The following DMD variants were observed in gnomAD, a reference collection of about 807,000 sequenced individuals.
DMD encodes the protein mutant dystrophin.
A neutral mutation model predicts 330.1 loss-of-function variants in DMD; 63 were observed. That is an observed-to-expected ratio of 0.19 (90% CI 0.16 to 0.24). The LOEUF (loss-of-function observed/expected upper bound fraction) is 0.24, where lower values mean the gene tolerates loss of function less well. Ranked by LOEUF, DMD falls within the 10% of genes least tolerant of loss-of-function variation. The pLI is 1.00. For missense variants in DMD, 3,344 were observed against 2,684.1 expected, an observed-to-expected ratio of 1.25 and a Z score of -5.43; for synonymous variants, 1,223 against 959.8, an observed-to-expected ratio of 1.27 and a Z score of -5.07.
intron 11 of DMD, among the ~76,000 whole-genome samples, chrX:32,627,154 C>T (rs1450589564): frequency 1.1e-4 from 7 of 63,457 alleles, no homozygotes; most frequent in African/African-American, 2.3e-4. Context: ...CCCCGCCCCC[C>T]CCCCCGCCCC....
chrX:32,585,699 CAAAAAAAAAAAAAA>C (rs61394183), intron 13 of DMD, among the ~76,000 whole-genome samples: 10 of 31,930 alleles, frequency 3.1e-4, no homozygotes, highest in South Asian at 5.5e-3. Flanking sequence ...GACTCCGTCT[CAAAAAAAAAAAAAA>C]AAAAAAAAAA....
chrX:32,541,406 T>C (rs1021738131), intron 17 of DMD, among the ~76,000 whole-genome samples: 14 of 111,966 alleles, frequency 1.3e-4, no homozygotes, highest in African/African-American at 4.6e-4. Context: ...ACTGCATTTA[T>C]TGAATGTTTA....
intron 13 of DMD, among the ~76,000 whole-genome samples, chrX:32,585,688 G>C (rs1316043282): frequency 2.0e-5 from 1 of 50,785 alleles, no homozygotes; most frequent in African/African-American, 7.0e-5. Context: ...TGACAGAGCA[G>C]GACTCCGTCT....
intron 11 of DMD, among the ~76,000 whole-genome samples, chrX:32,617,601 C>A (rs5972622): frequency 0.18 from 20,292 of 110,528 alleles, 3,183 homozygotes; most frequent in African/African-American, 0.52. Flanking sequence ...ACTCAAAACT[C>A]TCAATCTATT....
chrX:31,521,049 G>C (rs916173613), intron 55 of DMD, among the ~76,000 whole-genome samples: 1 of 111,806 alleles, frequency 8.9e-6, no homozygotes, highest in East Asian at 2.8e-4. Flanking sequence ...GTTTGGGAAG[G>C]CTTAGGCCTT....
chrX:32,777,277 T>TGGTGGGGGGGGGGGGTTGGG (rs1557019894), intron 7 of DMD, among the ~76,000 whole-genome samples: 1 of 2,111 alleles, frequency 4.7e-4, no homozygotes, highest in African/African-American at 3.1e-3. Context: ...GGTTTCTGGT[T>TGGTGGGGGGGGGGGGTTGGG]GGGGGGGGAA....
intron 45 of DMD, among the ~76,000 whole-genome samples, chrX:31,952,513 G>A (rs1167808660): frequency 9.3e-6 from 1 of 107,490 alleles, no homozygotes; most frequent in Non-Finnish European, 1.9e-5. Flanking sequence ...TTAAATTTTG[G>A]TTATTCTACT....
chrX:31,452,055 T>A lies in DMD; in HGVS notation c.8938-7428A>T, dbSNP rs1603025149. The stretch of plus-strand genomic sequence containing the variant: ...AGACTCAGAACTAATGGCCTAGATT[T>A]AGCATAATCAGAAACACTTAAGAAA... On this transcript the variant is annotated intron_variant, in intron 59 of 78. Transcript: ENST00000357033. Among the ~76,000 whole-genome samples, 4 of 109,710 alleles carry A rather than the reference T, an allele frequency of 3.6e-5. No individual in the cohort carries two copies. The South Asian group carries it at 1.6e-3, about 43-fold the overall frequency.
At chrX:32,635,979 C>G (rs1259792621) in intron 11 of DMD, among the ~76,000 whole-genome samples, 5 of 111,921 alleles carry the variant, frequency 4.5e-5, no homozygotes, top group Non-Finnish European at 1.9e-5. Flanking sequence ...GCCTCAGTAA[C>G]TAGATCTGCT....
intron 2 of DMD, among the ~76,000 whole-genome samples, chrX:32,971,773 A>G (rs1241935500): frequency 9.0e-6 from 1 of 110,985 alleles, no homozygotes; most frequent in African/African-American, 3.3e-5. Flanking sequence ...ACATATATAT[A>G]TATGTGTGCA....
chrX:33,276,527 T>A (rs767826059), intron 1 of DMD, among the ~76,000 whole-genome samples: 1 of 111,550 alleles, frequency 9.0e-6, no homozygotes, highest in East Asian at 2.8e-4. Context: ...CTAAGCTACA[T>A]TAATTTGAAC....
At chrX:32,682,421 T>C (rs780462679) in intron 9 of DMD, among the ~76,000 whole-genome samples, 1 of 111,831 alleles carries the variant, frequency 8.9e-6, no homozygotes, top group Non-Finnish European at 1.9e-5. Context: ...AGGTAGTCTA[T>C]ACTTAAACAC....
chrX:32,719,795 G>A (rs2066084875), intron 7 of DMD, among the ~76,000 whole-genome samples: 1 of 109,556 alleles, frequency 9.1e-6, no homozygotes, highest in Admixed American at 9.8e-5. Context: ...CCAAATGCTT[G>A]GTGTGCAGTT....
intron 7 of DMD, among the ~76,000 whole-genome samples, chrX:32,708,206 C>T (rs2064858104): frequency 9.0e-6 from 1 of 110,580 alleles, no homozygotes; most frequent in African/African-American, 3.3e-5. Flanking sequence ...TCAAAATATG[C>T]CTGATGGTAT....
intron 9 of DMD, among the ~76,000 whole-genome samples, chrX:32,664,469 C>A (rs1302403441): frequency 1.8e-5 from 2 of 110,127 alleles, no homozygotes; most frequent in Non-Finnish European, 3.8e-5. Flanking sequence ...TCTCGATCTC[C>A]TGACCTCGTG....
At chrX:32,275,600 T>A (rs2097383174) in intron 43 of DMD, among the ~76,000 whole-genome samples, 1 of 112,126 alleles carries the variant, frequency 8.9e-6, no homozygotes, top group South Asian at 3.7e-4. Flanking sequence ...AACTGGTAAG[T>A]GTTTTGGTGT....
chrX:33,121,231 CT>C (rs1246677116), intron 1 of DMD, among the ~76,000 whole-genome samples: 273 of 94,831 alleles, frequency 2.9e-3, no homozygotes, highest in Middle Eastern at 5.0e-3. Context: ...ATTTATCATT[CT>C]TTTTTTTTTT....
At chrX:32,094,579 T>A (rs756435273) in intron 44 of DMD, among the ~76,000 whole-genome samples, 124 of 111,123 alleles carry the variant, frequency 1.1e-3, no homozygotes, top group African/African-American at 4.0e-3. Context: ...CATCTCTTCC[T>A]TCAACAGCAT....
At chrX:32,486,535 A>T (rs1323772591) in intron 20 of DMD, among the ~76,000 whole-genome samples, 1 of 111,055 alleles carries the variant, frequency 9.0e-6, no homozygotes, top group South Asian at 3.8e-4. Flanking sequence ...AAGAGCCCGC[A>T]TCGCCAAGTC....
Sources: gnomAD v4.1 joint callset for allele counts (sites outside exome capture counted in the v4.1 genomes callset) on GRCh38, gnomAD v4.1.1 for gene constraint, MANE v1.5 for transcripts, NCBI Gene and HGNC (gene_info 2026-07-23, HGNC 2026-07-21) for gene names.